SYS1: variants seen among roughly 807,000 people sequenced by gnomAD.
The protein encoded by SYS1 is SYS1 golgi trafficking protein, also known as protein SYS1 homolog.
Under a neutral mutation model 17.8 loss-of-function variants are expected in SYS1, and 8 were observed. The observed-to-expected ratio is 0.45, with a 90% confidence interval of 0.26 to 0.81. The LOEUF (loss-of-function observed/expected upper bound fraction) is 0.81. Among genes scored for constraint, SYS1 ranks in the 40% least tolerant of loss-of-function variants. The probability of loss-of-function intolerance (pLI) is 0.16; values close to 1 mark genes in which losing one functional copy is unlikely to be tolerated. For missense variants in SYS1, 161 were observed against 203.9 expected (o/e 0.79, Z 1.28); for synonymous variants, 95 against 90.9 (o/e 1.05, Z -0.26).
Position 45,367,715 on chromosome 20 carries a change from G to T in SYS1, c.*600G>T. Reference sequence around the variant, plus strand: ...ACAACCTGTGCCCTGTTATACACACGTTCATGTGCACCCAAGAACCTATGA... The same window carrying T: ...ACAACCTGTGCCCTGTTATACACACTTTCATGTGCACCCAAGAACCTATGA... On this transcript the variant is annotated 3_prime_UTR_variant, in exon 4 of 4. Transcript: ENST00000243918. The T allele has an allele frequency of 1.0e-6, 1 of 987,448 alleles. No homozygotes were observed. Among genetic ancestry groups the T allele is most frequent in the Non-Finnish European group, 1.2e-6 (1 of 831,132 alleles). 61.2% of individuals were successfully genotyped at this position (987,448 alleles called of 1,614,324 possible).
chr20:45,367,466 C>T lies in SYS1; in HGVS notation c.*351C>T. 4 of 1,089,664 alleles carry T rather than the reference C, an allele frequency of 3.7e-6. No individual in the cohort carries two copies. Among genetic ancestry groups the T allele is most frequent in the Admixed American group, 9.6e-5 (2 of 20,882 alleles). The allele number at this position is 1,089,664 out of a possible 1,614,324, so 67.5% of individuals were successfully genotyped here. A position where few individuals can be genotyped will look rare whatever the true frequency, so the allele number is the denominator to read the frequency against. On this transcript the variant is annotated 3_prime_UTR_variant, in exon 4 of 4. Transcript: ENST00000243918. ...ATCAAGGATATCTGATTGGAGCAAA[C>T]CACTTCTTTAGTCATCTGTCTTACC...
intron 3 of SYS1, chr20:45,374,244 A>C (rs1372618684): frequency 1.5e-6 from 1 of 688,520 alleles, no homozygotes; most frequent in Non-Finnish European, 2.6e-6. Flanking sequence ...TTTTTTGCTA[A>C]GGAACTTTCT....
downstream of SYS1, among the ~76,000 whole-genome samples, chr20:45,371,451 A>G (rs1037626105): frequency 6.6e-6 from 1 of 152,202 alleles, no homozygotes; most frequent in African/African-American, 2.4e-5. Flanking sequence ...TTGAGCTCCT[A>G]TCTGGCATGT....
downstream of SYS1, among the ~76,000 whole-genome samples, chr20:45,370,518 G>A (rs1451670846): frequency 6.6e-6 from 1 of 152,098 alleles, no homozygotes; most frequent in Non-Finnish European, 1.5e-5. Flanking sequence ...CTAACCCCTC[G>A]CTCTAGGCAG....
chr20:45,367,455 AT>A lies in SYS1; in HGVS notation c.*342del. On this transcript the variant is annotated 3_prime_UTR_variant, in exon 4 of 4. Transcript: ENST00000243918. Reference sequence around the variant, plus strand: ...AGAGAAAAAAAATCAAGGATATCTGATTGGAGCAAACCACTTCTTTAGTCAT... The same window carrying A: ...AGAGAAAAAAAATCAAGGATATCTGATGGAGCAAACCACTTCTTTAGTCAT... 1.8e-6 allele frequency: 2 copies of A among 1,122,522 alleles called. No homozygotes were observed. The highest frequency in any genetic ancestry group is 1.3e-4 in the East Asian group (2 of 15,830). 69.5% of individuals were successfully genotyped at this position (1,122,522 alleles called of 1,614,324 possible). A position where few individuals can be genotyped will look rare whatever the true frequency, so the allele number is the denominator to read the frequency against.
rs900517925 is a variant in SYS1, at chr20:45,375,687, A to G, written c.*1393A>G. 1.5e-5 allele frequency: 16 copies of G among 1,098,778 alleles called. No homozygotes were observed. The South Asian group carries it at 2.0e-4, about 14-fold the overall frequency. 68.1% of individuals were successfully genotyped at this position (1,098,778 alleles called of 1,614,324 possible). On this transcript the variant is annotated 3_prime_UTR_variant, in exon 4 of 4. Transcript: ENST00000426004. The stretch of plus-strand genomic sequence containing the variant: ...CTGCAAAGAAACTTCTCTACTGCCC[A>G]GAGGCCTTGTGCTGGTGTGAGGAGG...
At position 45,367,493 on chromosome 20, in the gene SYS1, C is replaced by A; in HGVS notation, c.*378C>A. On this transcript the variant is annotated 3_prime_UTR_variant, in exon 4 of 4. Transcript: ENST00000243918. ...ACTTCTTTAGTCATCTGTCTTACCCCCCTGGGACAGCTGTTACCTTTGCAG... is the reference window on the plus strand; with the variant it reads ...ACTTCTTTAGTCATCTGTCTTACCCACCTGGGACAGCTGTTACCTTTGCAG... 9.6e-7 allele frequency: 1 copy of A among 1,038,732 alleles called. No individual in the cohort carries two copies. Among genetic ancestry groups the A allele is most frequent in the Non-Finnish European group, 1.2e-6 (1 of 860,584 alleles). 64.3% of individuals were successfully genotyped at this position (1,038,732 alleles called of 1,614,324 possible). A position where few individuals can be genotyped will look rare whatever the true frequency, so the allele number is the denominator to read the frequency against.
chr20:45,371,310 T>C (rs1381038679), downstream of SYS1, among the ~76,000 whole-genome samples: 1 of 152,242 alleles, frequency 6.6e-6, no homozygotes, highest in Non-Finnish European at 1.5e-5. Context: ...AAGTGATCCA[T>C]AATTCTAGAC....
At chr20:45,364,750 C>T (rs528437660) in intron 2 of SYS1, among the ~76,000 whole-genome samples, 45 of 152,182 alleles carry the variant, frequency 3.0e-4, no homozygotes, top group African/African-American at 4.6e-4. Context: ...GGATTACAGG[C>T]GTGAGCCACC....
chr20:45,368,718 C>G lies in SYS1; in HGVS notation c.*1603C>G. The G allele has an allele frequency of 1.0e-6, 1 of 985,466 alleles. No homozygotes were observed. Among genetic ancestry groups the G allele is most frequent in the Non-Finnish European group, 1.2e-6 (1 of 829,978 alleles). 61.0% of individuals were successfully genotyped at this position (985,466 alleles called of 1,614,324 possible). A position where few individuals can be genotyped will look rare whatever the true frequency, so the allele number is the denominator to read the frequency against. On this transcript the variant is annotated 3_prime_UTR_variant, in exon 4 of 4. Transcript: ENST00000243918. ...CAGTTTGTTAATGAGGCACAGTAATCCTGGCTGCAGGGTCTAGGAGGTAAG... is the reference window on the plus strand; with the variant it reads ...CAGTTTGTTAATGAGGCACAGTAATGCTGGCTGCAGGGTCTAGGAGGTAAG...
intron 3 of SYS1, 122 bp downstream of exon 3, chr20:45,365,808 C>A: frequency 1.0e-6 from 1 of 967,798 alleles, no homozygotes; most frequent in Non-Finnish European, 1.7e-6. Context: ...AAGTGGGTGA[C>A]AGAGGCCAGT....
Position 45,367,983 on chromosome 20 carries a change from C to G in SYS1, c.*868C>G. 2 of 985,470 alleles carry G rather than the reference C, an allele frequency of 2.0e-6. No homozygotes were observed. The highest frequency in any genetic ancestry group is 2.4e-6 in the Non-Finnish European group (2 of 829,918). 61.0% of individuals were successfully genotyped at this position (985,470 alleles called of 1,614,324 possible). A position where few individuals can be genotyped will look rare whatever the true frequency, so the allele number is the denominator to read the frequency against. On this transcript the variant is annotated 3_prime_UTR_variant, in exon 4 of 4. Coordinates refer to ENST00000243918, the MANE Select transcript of SYS1 (RefSeq NM_033542.4). Reference sequence around the variant, plus strand: ...TCCCAGAGACAAGAAGCCCAACCTTCTGGCCTGGGCTGTGCTGATAGTGCT... The same window carrying G: ...TCCCAGAGACAAGAAGCCCAACCTTGTGGCCTGGGCTGTGCTGATAGTGCT...
downstream of SYS1, chr20:45,373,176 C>T (rs1396023212): frequency 1.3e-5 from 2 of 152,526 alleles, no homozygotes; most frequent in Admixed American, 1.3e-4. Flanking sequence ...TGACTCCTAC[C>T]GACAGAGGGT....
chr20:45,368,464 C>T lies in SYS1; in HGVS notation c.*1349C>T. On this transcript the variant is annotated 3_prime_UTR_variant, in exon 4 of 4. Transcript: ENST00000243918. ...TTTCTTCAGAGCTTTCCCAAGAGAG[C>T]TGTCAGTTTTCAGCTGTCAGTAACA... 1 of 985,416 alleles carries T rather than the reference C, an allele frequency of 1.0e-6. No homozygotes were observed. The highest frequency in any genetic ancestry group is 1.2e-6 in the Non-Finnish European group (1 of 829,924). 61.0% of individuals were successfully genotyped at this position (985,416 alleles called of 1,614,324 possible). A position where few individuals can be genotyped will look rare whatever the true frequency, so the allele number is the denominator to read the frequency against.
chr20:45,366,521 A>G (rs1010346114), intron 3 of SYS1, among the ~76,000 whole-genome samples: 1 of 152,226 alleles, frequency 6.6e-6, no homozygotes, highest in Non-Finnish European at 1.5e-5. Context: ...CTCTTGAATA[A>G]TGGAATGACT....
In SYS1 at chr20:45,365,658, A is replaced by C. The variant is rs1222118328; in HGVS notation, c.202A>C (p.Met68Leu). The stretch of plus-strand genomic sequence containing the variant: ...CACCCCTCCAGGCCGGCTCTCCATG[A>C]TGTCCTTCATCCTCAACGCCCTCAC... ...FSTPPGRLSMMSFILNALTCA... is the reference protein window; with the variant it reads ...FSTPPGRLSMLSFILNALTCA... Residue 68 changes from methionine to leucine, a missense_variant, in exon 3 of 4, where the codon ATG becomes CTG. By Grantham distance (15) the Met-to-Leu change is conservative (BLOSUM62 2). Coordinates refer to ENST00000243918, the MANE Select transcript of SYS1 (RefSeq NM_033542.4). 1 of 1,614,148 alleles carries C rather than the reference A, an allele frequency of 6.2e-7. No individual in the cohort carries two copies. The highest frequency in any genetic ancestry group is 1.1e-5 in the South Asian group (1 of 91,082).
At chr20:45,361,983 T>C (rs1988161470), upstream of SYS1, 2 of 985,162 alleles carry the variant, frequency 2.0e-6, no homozygotes, top group Non-Finnish European at 2.4e-6. Context: ...AGGGGGAACC[T>C]AGGATCAATG....
At chr20:45,362,980 C>A, upstream of SYS1, 1 of 476,284 alleles carries the variant, frequency 2.1e-6, no homozygotes, top group Non-Finnish European at 2.7e-6. Context: ...AGAGGGCGCG[C>A]AAGCTCTGCG....
rs1343205829 is a variant in SYS1 at position 45,367,951 on chromosome 20, G to A, written c.*836G>A. 17 of 985,534 alleles carry A rather than the reference G, an allele frequency of 1.7e-5. No homozygotes were observed. The highest frequency in any genetic ancestry group is 2.0e-5 in the Non-Finnish European group (17 of 829,944). The allele number at this position is 985,534 out of a possible 1,614,324, so 61.0% of individuals were successfully genotyped here. Reference sequence around the variant, plus strand: ...TAGAATTCTTTGGCGGGAAGGGTATGATGGGTTCCCAGAGACAAGAAGCCC... The same window carrying A: ...TAGAATTCTTTGGCGGGAAGGGTATAATGGGTTCCCAGAGACAAGAAGCCC... On this transcript the variant is annotated 3_prime_UTR_variant, in exon 4 of 4. Transcript: ENST00000243918.
Sources: gnomAD v4.1 joint callset for allele counts (sites outside exome capture counted in the v4.1 genomes callset) on GRCh38, gnomAD v4.1.1 for gene constraint, MANE v1.5 for transcripts, NCBI Gene and HGNC (gene_info 2026-07-23, HGNC 2026-07-21) for gene names.